The following KDM2B variants were observed in gnomAD, a reference collection of about 807,000 sequenced individuals.
KDM2B encodes the protein lysine-specific demethylase 2B.
Under a neutral mutation model 150.0 loss-of-function variants are expected in KDM2B, and 26 were observed. That is an observed-to-expected ratio of 0.17 (90% confidence interval 0.13 to 0.24). KDM2B has a LOEUF of 0.24. KDM2B is among the 10% of genes least tolerant of loss of function. KDM2B has a pLI of 1.00. For synonymous variants in KDM2B, 734 were observed against 729.5 expected (o/e 1.01, Z -0.10); for missense variants, 1,265 against 1,816.9 (o/e 0.70, Z 5.52).
intron 6 of KDM2B, among the ~76,000 whole-genome samples, chr12:121,547,333 G>A (rs1371325356): frequency 6.6e-6 from 1 of 152,180 alleles, no homozygotes; most frequent in Non-Finnish European, 1.5e-5. Flanking sequence ...GCTTCAGCTT[G>A]AAGGGGAGGA....
At chr12:121,581,232 G>T, upstream of KDM2B, 1 of 264,500 alleles carries the variant, frequency 3.8e-6, no homozygotes, top group Non-Finnish European at 7.2e-6. Flanking sequence ...TGGATCTGGC[G>T]CCTCCTAACG....
At chr12:121,552,813 G>A (rs1371006182) in intron 4 of KDM2B, among the ~76,000 whole-genome samples, 2 of 152,114 alleles carry the variant, frequency 1.3e-5, no homozygotes, top group African/African-American at 2.4e-5. Context: ...GGGCATCCCC[G>A]TTCTTCGCTG....
intron 6 of KDM2B, among the ~76,000 whole-genome samples, chr12:121,540,678 C>T (rs1417052283): frequency 2.0e-5 from 3 of 149,002 alleles, no homozygotes; most frequent in South Asian, 2.1e-4. Flanking sequence ...CACTGGAACC[C>T]GGGAGGCAGA....
chr12:121,507,595 A>C (rs1297130647), intron 11 of KDM2B, among the ~76,000 whole-genome samples: 2 of 152,194 alleles, frequency 1.3e-5, no homozygotes, highest in Non-Finnish European at 2.9e-5. Flanking sequence ...GCCTCAGGCC[A>C]ATCAGGTAGG....
At position 121,429,269 on chromosome 12, in the gene KDM2B, A is replaced by C. The variant is rs1872689194; in HGVS notation, c.*1019T>G. The stretch of plus-strand genomic sequence containing the variant: ...GGAAACACCACCTTACAACAATGGC[A>C]CTTATAAATGCAGAACTTTACAACT... On this transcript the variant is annotated 3_prime_UTR_variant, in exon 23 of 23. Coordinates refer to ENST00000377071, the MANE Select transcript of KDM2B (RefSeq NM_032590.5). The C allele has an allele frequency of 6.6e-6, 1 of 152,664 alleles. No homozygotes were observed. Among genetic ancestry groups the C allele is most frequent in the South Asian group, 2.1e-4 (1 of 4,832 alleles). The allele number at this position is 152,664 out of a possible 1,614,324, so 9.5% of individuals were successfully genotyped here. A position where few individuals can be genotyped will look rare whatever the true frequency, so the allele number is the denominator to read the frequency against.
chr12:121,472,481 G>A (rs1356239743), intron 12 of KDM2B, among the ~76,000 whole-genome samples: 3 of 151,552 alleles, frequency 2.0e-5, no homozygotes, highest in African/African-American at 7.3e-5. Flanking sequence ...CTGGAGAGTC[G>A]TTCCACAAGC....
chr12:121,545,395 A>T (rs1219547222), intron 6 of KDM2B, among the ~76,000 whole-genome samples: 1 of 150,704 alleles, frequency 6.6e-6, no homozygotes, highest in East Asian at 2.0e-4. Context: ...TTTTAAAAAA[A>T]GAAAAAAAAA....
intron 12 of KDM2B, among the ~76,000 whole-genome samples, chr12:121,492,693 G>A (rs559434101): frequency 6.6e-6 from 1 of 151,504 alleles, no homozygotes; most frequent in African/African-American, 2.4e-5. Context: ...GCTGGGCATG[G>A]TGGCGGGTGC....
At chr12:121,415,405 G>T in the KDM2B span, 1 of 253,462 alleles carries the variant, frequency 3.9e-6, no homozygotes, top group Non-Finnish European at 8.7e-6. Context: ...CAGATCACTT[G>T]AGGCCACGCA....
In KDM2B at chr12:121,509,765, G is replaced by A. The variant is rs1885416907; in HGVS notation, c.1449C>T (p.Ser483=). The change falls in exon 11 of 23, where the codon TCC becomes TCT. Residue 483 remains serine (S), a synonymous_variant. Coordinates refer to ENST00000377071, the MANE Select transcript of KDM2B (RefSeq NM_032590.5). ...TGGGGTAGTCTACGGCCAATGTGGT[G>A]GACTTCACACTTTCCTCCGACTCAT... ...LSNESEESVK[S]TTLAVDYPKT... 6.2e-7 allele frequency: 1 copy of A among 1,614,006 alleles called. No individual in the cohort carries two copies.
chr12:121,431,075 CCTT>C (rs1197313712), intron 22 of KDM2B, among the ~76,000 whole-genome samples: 20 of 152,092 alleles, frequency 1.3e-4, no homozygotes, highest in African/African-American at 4.8e-4. Flanking sequence ...ACCAACATGC[CCTT>C]CTAGCAAAAG....
Position 121,578,950 on chromosome 12 carries a change from C to G in KDM2B, c.127-4G>C, listed in dbSNP as rs1891721807. ...ATCGCTGGCGGTCAATCGGGCGCTG[C>G]GAGGACCCAAACCAGAGAGCCCGGG... is the stretch of plus-strand genomic sequence containing the variant. On this transcript the variant is annotated splice_region_variant and splice_polypyrimidine_tract_variant and intron_variant, in intron 1 of 22. Transcript: ENST00000377071. 6.2e-7 allele frequency: 1 copy of G among 1,610,920 alleles called. No homozygotes were observed. The highest frequency in any genetic ancestry group is 2.2e-5 in the East Asian group (1 of 44,766).
intron 12 of KDM2B, among the ~76,000 whole-genome samples, chr12:121,461,373 G>T (rs530495399): frequency 6.6e-6 from 1 of 152,150 alleles, no homozygotes; most frequent in Admixed American, 6.5e-5. Flanking sequence ...TAAGTTAAAG[G>T]CTTCACAACA....
intron 12 of KDM2B, among the ~76,000 whole-genome samples, chr12:121,473,862 C>G (rs1216136776): frequency 6.6e-6 from 1 of 152,020 alleles, no homozygotes; most frequent in African/African-American, 2.4e-5. Flanking sequence ...ATAAACAAAA[C>G]ACGGTCTATC....
chr12:121,415,000 G>A, the KDM2B span, among the ~76,000 whole-genome samples: 1 of 152,230 alleles, frequency 6.6e-6, no homozygotes, highest in South Asian at 2.1e-4. Context: ...GGAGGCTGAG[G>A]CAGGAGAATC....
chr12:121,544,340 G>T (rs1220237246), intron 6 of KDM2B, among the ~76,000 whole-genome samples: 4 of 152,092 alleles, frequency 2.6e-5, no homozygotes, highest in African/African-American at 4.8e-5. Flanking sequence ...GCTGGGCATG[G>T]TGGCTCACAC....
chr12:121,434,174 G>GTCAC (rs1566249655), intron 22 of KDM2B, among the ~76,000 whole-genome samples: 12 of 151,926 alleles, frequency 7.9e-5, no homozygotes, highest in African/African-American at 2.9e-4. Context: ...AGTAAGCCCC[G>GTCAC]TCATTCATTC....
At position 121,520,876 on chromosome 12, in the gene KDM2B, AG is replaced by A; in HGVS notation, c.1047+108del. The A allele has an allele frequency of 2.2e-6, 1 of 460,352 alleles. No individual in the cohort carries two copies. The allele number at this position is 460,352 out of a possible 1,614,324, so 28.5% of individuals were successfully genotyped here. A position where few individuals can be genotyped will look rare whatever the true frequency, so the allele number is the denominator to read the frequency against. ...AAGCCAGCTTGAGAGAGGAATCGGG[AG>A]GGAGAGGGGAACTGTGGAGGACTTC... On this transcript the variant is annotated intron_variant, in intron 9 of 22. Coordinates refer to ENST00000377071, the MANE Select transcript of KDM2B (RefSeq NM_032590.5). The surrounding 1 kb of genome is among the most constrained non-coding windows in gnomAD (Gnocchi z 4.5).
intron 4 of KDM2B, among the ~76,000 whole-genome samples, chr12:121,561,172 C>G (rs1003573502): frequency 2.0e-5 from 3 of 152,182 alleles, no homozygotes; most frequent in Admixed American, 2.0e-4. Flanking sequence ...CCGTCAGCTC[C>G]GAAAGCCTCG....
Sources: gnomAD v4.1 joint callset for allele counts (sites outside exome capture counted in the v4.1 genomes callset) on GRCh38, gnomAD v4.1.1 for gene constraint, Gnocchi (gnomAD v3.1) non-coding constraint, MANE v1.5 for transcripts, NCBI Gene and HGNC (gene_info 2026-07-23, HGNC 2026-07-21) for gene names.